NRCAM: variants seen among roughly 807,000 people sequenced by gnomAD.
The protein encoded by NRCAM is NgCAM-related cell adhesion molecule.
In NRCAM, 83 loss-of-function variants were observed where a neutral mutation model predicts 156.5. The observed-to-expected ratio is 0.53, with a 90% CI of 0.44 to 0.64. The LOEUF (loss-of-function observed/expected upper bound fraction) is 0.64. NRCAM is among the 30% of genes least tolerant of loss of function. The pLI is 0.00. For synonymous variants in NRCAM, 538 were observed against 563.9 expected, an observed-to-expected ratio of 0.95 and a Z score of 0.65; for missense variants, 1,417 against 1,597.3, an observed-to-expected ratio of 0.89 and a Z score of 1.92.
At chr7:108,217,350 C>G (rs1392876752) in intron 11 of NRCAM, among the ~76,000 whole-genome samples, 1 of 152,210 alleles carries the variant, frequency 6.6e-6, no homozygotes, top group African/African-American at 2.4e-5. Flanking sequence ...TATGAGGTGT[C>G]TGTCGACCCC....
intron 1 of NRCAM, among the ~76,000 whole-genome samples, chr7:108,449,625 T>C (rs1169578592): frequency 1.3e-5 from 2 of 152,328 alleles, no homozygotes; most frequent in East Asian, 1.9e-4. Flanking sequence ...ACTTCCCCTT[T>C]CCCTTGAGAG....
At chr7:108,294,541 G>C (rs920886807) in intron 3 of NRCAM, among the ~76,000 whole-genome samples, 3 of 152,210 alleles carry the variant, frequency 2.0e-5, no homozygotes, top group African/African-American at 7.2e-5. Flanking sequence ...CTGCCTTGAA[G>C]GAATGTGTAA....
chr7:108,182,379 G>A (rs1019313562), intron 23 of NRCAM, among the ~76,000 whole-genome samples: 1 of 152,110 alleles, frequency 6.6e-6, no homozygotes, highest in Non-Finnish European at 1.5e-5. Flanking sequence ...CAAAACCCAC[G>A]GACATGGAGG....
chr7:108,315,343 A>C (rs1206901862), intron 2 of NRCAM, among the ~76,000 whole-genome samples: 1 of 152,112 alleles, frequency 6.6e-6, no homozygotes, highest in Non-Finnish European at 1.5e-5. Context: ...TGGAGAAAAA[A>C]GGATAAAAAA....
At position 108,282,745 on chromosome 7, in the gene NRCAM, T is replaced by C. The variant is rs149599690; in HGVS notation, c.-107+29920A>G. On this transcript the variant is annotated intron_variant, in intron 3 of 32. Coordinates refer to ENST00000379028, the MANE Select transcript of NRCAM (RefSeq NM_001037132.4). The stretch of plus-strand genomic sequence containing the variant: ...AGAAAAAGAGAGAATACATGACAGT[T>C]AAAAACAAATTTATAACTACATACA... 7.0e-3 allele frequency among the ~76,000 whole-genome samples: 1,002 copies of C among 142,770 alleles called. 8 individuals carry two copies. The highest frequency in any genetic ancestry group is 0.025 in the African/African-American group (967 of 38,442). The allele number at this position is 142,770 out of a possible 152,430, so 93.7% of individuals were successfully genotyped here. A position where few individuals can be genotyped will look rare whatever the true frequency, so the allele number is the denominator to read the frequency against.
At chr7:108,161,026 G>C (rs892670617) in intron 30 of NRCAM, among the ~76,000 whole-genome samples, 2 of 152,114 alleles carry the variant, frequency 1.3e-5, no homozygotes, top group East Asian at 3.9e-4. Flanking sequence ...AACCTTTCCA[G>C]ATCAGGAAAA....
intron 2 of NRCAM, among the ~76,000 whole-genome samples, chr7:108,327,095 G>A (rs1428230648): frequency 6.6e-6 from 1 of 152,116 alleles, no homozygotes; most frequent in African/African-American, 2.4e-5. Context: ...AAGAGGCTTA[G>A]TCCAAACAGT....
At chr7:108,282,971 T>TA (rs1480331653) in intron 3 of NRCAM, among the ~76,000 whole-genome samples, 1 of 152,206 alleles carries the variant, frequency 6.6e-6, no homozygotes, top group Non-Finnish European at 1.5e-5. Flanking sequence ...CCAGGATTTC[T>TA]AAAACTCCCT....
intron 30 of NRCAM, among the ~76,000 whole-genome samples, chr7:108,161,127 T>A (rs1340006194): frequency 1.1e-4 from 17 of 152,160 alleles, no homozygotes; most frequent in Admixed American, 1.1e-3. Flanking sequence ...TGGTTCTGAG[T>A]GGAAATTTCT....
At chr7:108,393,975 G>A (rs1228362086) in intron 2 of NRCAM, among the ~76,000 whole-genome samples, 1 of 152,164 alleles carries the variant, frequency 6.6e-6, no homozygotes, top group Admixed American at 6.5e-5. Context: ...CAACCCCAAG[G>A]GGAGTGCACA....
Position 108,256,922 on chromosome 7 carries a change from T to C in NRCAM, c.-106-16752A>G, listed in dbSNP as rs534678181. Among the ~76,000 whole-genome samples the C allele has an allele frequency of 7.6e-4, 113 of 148,808 alleles. 1 individual carries two copies. Among genetic ancestry groups the C allele is most frequent in the African/African-American group, 2.7e-3 (109 of 40,264 alleles). On this transcript the variant is annotated intron_variant, in intron 3 of 32. Transcript: ENST00000379028. ...TACTCTGGTGGCTAAGGCACAAGAATCACTTGAACCCGGGAGGTGGAGGTT... is the reference window on the plus strand; with the variant it reads ...TACTCTGGTGGCTAAGGCACAAGAACCACTTGAACCCGGGAGGTGGAGGTT...
chr7:108,405,766 G>GA lies in NRCAM; in HGVS notation c.-331-6174dup, dbSNP rs369264539. Reference sequence around the variant, plus strand: ...TGGAAAAAACACAGGACATTTAGTGGAAATTAGTTCCAGGAAAAAGCCAGC... The same window carrying GA: ...TGGAAAAAACACAGGACATTTAGTGGAAAATTAGTTCCAGGAAAAAGCCAGC... On this transcript the variant is annotated intron_variant, in intron 1 of 32. Coordinates refer to ENST00000379028, the MANE Select transcript of NRCAM (RefSeq NM_001037132.4). Among the ~76,000 whole-genome samples, 267 of 152,254 alleles carry GA rather than the reference G, an allele frequency of 1.8e-3. 4 individuals are homozygous for GA. Among genetic ancestry groups the GA allele is most frequent in the African/African-American group, 6.0e-3 (251 of 41,550 alleles).
At chr7:108,278,845 C>T (rs924323167) in intron 3 of NRCAM, among the ~76,000 whole-genome samples, 8 of 151,604 alleles carry the variant, frequency 5.3e-5, no homozygotes, top group East Asian at 2.0e-4. Context: ...TCTTCTGTGT[C>T]GATCTTGCTG....
chr7:108,161,553 C>G (rs115646617), intron 30 of NRCAM, among the ~76,000 whole-genome samples: 2,039 of 152,196 alleles, frequency 0.013, 54 homozygotes, highest in African/African-American at 0.045. Flanking sequence ...CTTCTTTTGA[C>G]TCTATAAGCA....
chr7:108,316,483 C>T (rs1390602175), intron 2 of NRCAM, among the ~76,000 whole-genome samples: 4 of 152,002 alleles, frequency 2.6e-5, no homozygotes, highest in Admixed American at 1.3e-4. Flanking sequence ...AAATAGAAAC[C>T]TAAAAGTTCA....
chr7:108,232,073 AAACAC>A (rs2094404229), intron 7 of NRCAM, among the ~76,000 whole-genome samples: 1 of 150,888 alleles, frequency 6.6e-6, no homozygotes, highest in Non-Finnish European at 1.5e-5. Flanking sequence ...CTCAGGGAAG[AAACAC>A]TTTTTTTTTT....
intron 3 of NRCAM, among the ~76,000 whole-genome samples, chr7:108,261,687 G>A (rs573706820): frequency 6.6e-6 from 1 of 152,300 alleles, no homozygotes; most frequent in East Asian, 1.9e-4. Flanking sequence ...CACAGCTGTA[G>A]ACACCTGTTT....
intron 3 of NRCAM, among the ~76,000 whole-genome samples, chr7:108,308,705 A>T (rs1412673922): frequency 6.6e-6 from 1 of 152,216 alleles, no homozygotes; most frequent in African/African-American, 2.4e-5. Flanking sequence ...CTTTCTTCAA[A>T]CACATTTCAA....
At chr7:108,170,872 G>A (rs1481593376) in intron 28 of NRCAM, among the ~76,000 whole-genome samples, 1 of 152,174 alleles carries the variant, frequency 6.6e-6, no homozygotes, top group Non-Finnish European at 1.5e-5. Flanking sequence ...GGGGAAATGG[G>A]AGATGTTGGT....
Sources: gnomAD v4.1 joint callset for allele counts (sites outside exome capture counted in the v4.1 genomes callset) on GRCh38, gnomAD v4.1.1 for gene constraint, MANE v1.5 for transcripts, NCBI Gene and HGNC (gene_info 2026-07-23, HGNC 2026-07-21) for gene names.